The following HDGFL3 variants were observed in gnomAD, a reference collection of about 807,000 sequenced individuals.
HDGFL3 encodes HDGF like 3, also known as hepatoma-derived growth factor-related protein 3.
In HDGFL3, 6 loss-of-function variants were observed where a neutral mutation model predicts 27.6. The observed-to-expected ratio is 0.22, with a 90% confidence interval of 0.12 to 0.43. HDGFL3 has a LOEUF of 0.43. Among genes scored for constraint, HDGFL3 ranks in the 20% least tolerant of loss-of-function variants. The pLI, the probability that HDGFL3 is intolerant of heterozygous loss-of-function variation, is 1.00. For synonymous variants in HDGFL3, 88 were observed against 88.9 expected, an observed-to-expected ratio of 0.99 and a Z score of 0.05; for missense variants, 207 against 250.1, an observed-to-expected ratio of 0.83 and a Z score of 1.16.
intron 3 of HDGFL3, among the ~76,000 whole-genome samples, chr15:83,116,944 C>T (rs1283134171): frequency 6.6e-6 from 1 of 152,140 alleles, no homozygotes; most frequent in East Asian, 1.9e-4. Context: ...TTGAAGGGGA[C>T]TCTGTGGTCA....
At chr15:83,180,131 G>T (rs17158063) in intron 1 of HDGFL3, among the ~76,000 whole-genome samples, 5 of 151,796 alleles carry the variant, frequency 3.3e-5, no homozygotes, top group Non-Finnish European at 5.9e-5. Flanking sequence ...AAAAAATAGG[G>T]AAGACCAAAG....
intron 1 of HDGFL3, among the ~76,000 whole-genome samples, chr15:83,181,739 G>T (rs923836167): frequency 2.0e-5 from 3 of 152,224 alleles, no homozygotes; most frequent in South Asian, 4.1e-4. Context: ...GCCTCCTGAA[G>T]TACTGGGATT....
downstream of HDGFL3, among the ~76,000 whole-genome samples, chr15:83,126,375 T>C (rs1474534932): frequency 6.6e-6 from 1 of 152,204 alleles, no homozygotes; most frequent in African/African-American, 2.4e-5. Context: ...TTGCAATGCA[T>C]AGTAAGATGA....
chr15:83,197,709 A>T (rs1157396872), intron 1 of HDGFL3, among the ~76,000 whole-genome samples: 1 of 152,142 alleles, frequency 6.6e-6, no homozygotes, highest in Non-Finnish European at 1.5e-5. Flanking sequence ...ACGGAACACT[A>T]GTTTGTCAAA....
At position 83,136,560 on chromosome 15, in the gene HDGFL3, T is replaced by G; in HGVS notation, c.*2710A>C. On this transcript the variant is annotated 3_prime_UTR_variant, in exon 6 of 6. Coordinates refer to ENST00000299633, the MANE Select transcript of HDGFL3 (RefSeq NM_016073.4). ...AGAGTCCCTGAAGAAGCAAAAATCCTTTTTTTAGCATTAAACATAGCATAT... is the reference window on the plus strand; with the variant it reads ...AGAGTCCCTGAAGAAGCAAAAATCCGTTTTTTAGCATTAAACATAGCATAT... 1 of 1,612,762 alleles carries G rather than the reference T, an allele frequency of 6.2e-7. No individual in the cohort carries two copies. Among genetic ancestry groups the G allele is most frequent in the Non-Finnish European group, 8.5e-7 (1 of 1,179,302 alleles).
chr15:83,153,810 A>G (rs544301807), intron 4 of HDGFL3, among the ~76,000 whole-genome samples: 15 of 152,296 alleles, frequency 9.8e-5, no homozygotes, highest in African/African-American at 3.6e-4. Flanking sequence ...CCTTACTGCT[A>G]AAGAGAGAAG....
At chr15:83,168,704 A>G (rs1415749674) in intron 1 of HDGFL3, among the ~76,000 whole-genome samples, 2 of 152,194 alleles carry the variant, frequency 1.3e-5, no homozygotes, top group Non-Finnish European at 2.9e-5. Context: ...CAGAGGTACA[A>G]AGAAGAACTG....
chr15:83,205,240 G>A (rs563888797), intron 1 of HDGFL3, among the ~76,000 whole-genome samples: 3 of 152,094 alleles, frequency 2.0e-5, no homozygotes, highest in Non-Finnish European at 4.4e-5. Flanking sequence ...TGAAGTATAC[G>A]CACTGTAAAA....
At chr15:83,175,225 A>T (rs1596558994) in intron 1 of HDGFL3, among the ~76,000 whole-genome samples, 1 of 152,126 alleles carries the variant, frequency 6.6e-6, no homozygotes, top group Non-Finnish European at 1.5e-5. Context: ...TTGAGTTTGT[A>T]CCCCCTGGAA....
At chr15:83,163,337 C>A (rs998890334) in intron 2 of HDGFL3, among the ~76,000 whole-genome samples, 1 of 152,186 alleles carries the variant, frequency 6.6e-6, no homozygotes, top group Non-Finnish European at 1.5e-5. Context: ...CTGCAAGATG[C>A]ACATGTGCTG....
In HDGFL3 at chr15:83,138,212, CA is replaced by C. The variant is rs1402686457; in HGVS notation, c.*1057del. 6.6e-6 allele frequency: 1 copy of C among 152,556 alleles called. No individual in the cohort carries two copies. Among genetic ancestry groups the C allele is most frequent in the African/African-American group, 2.4e-5 (1 of 41,426 alleles). The allele number at this position is 152,556 out of a possible 1,614,324, so 9.5% of individuals were successfully genotyped here. A position where few individuals can be genotyped will look rare whatever the true frequency, so the allele number is the denominator to read the frequency against. The stretch of plus-strand genomic sequence containing the variant: ...ATAAATTTATTCTGTAAAAACAATA[CA>C]TTTTTTTGTTTTTGATTTTTTTACA... On this transcript the variant is annotated 3_prime_UTR_variant, in exon 6 of 6. Coordinates refer to ENST00000299633, the MANE Select transcript of HDGFL3 (RefSeq NM_016073.4).
Position 83,164,034 on chromosome 15 carries a change from G to A in HDGFL3, c.126C>T (p.Asn42=). ...TGCCAAAAAAGAAGATAGGATACTT[G>A]TTTGCTGGAGGCTTCACAGCGCCCT... ...LPEGAVKPPA[N]KYPIFFFGTH... Residue 42 remains asparagine (N), a synonymous_variant, in exon 2 of 6, where the codon AAC becomes AAT. Transcript: ENST00000299633. 2 of 1,611,586 alleles carry A rather than the reference G, an allele frequency of 1.2e-6. No homozygotes were observed. Among genetic ancestry groups the A allele is most frequent in the Non-Finnish European group, 1.7e-6 (2 of 1,179,158 alleles).
At position 83,151,254 on chromosome 15, in the gene HDGFL3, T is replaced by G; in HGVS notation, c.567A>C (p.Thr189=). ...TCTGCAAGTCTGAAGTTGTGTTTCT[T>G]GTGTCGTTGCCCGCATCTCCACCCT... is the stretch of plus-strand genomic sequence containing the variant. ...SSEGGDAGND[T]RNTTSDLQKT... is the part of the protein sequence containing the mutation. Residue 189 remains threonine (T), a synonymous_variant, in exon 5 of 6, where the codon ACA becomes ACC. Coordinates refer to ENST00000299633, the MANE Select transcript of HDGFL3 (RefSeq NM_016073.4). 6.2e-7 allele frequency: 1 copy of G among 1,613,222 alleles called. No individual in the cohort carries two copies. The highest frequency in any genetic ancestry group is 8.5e-7 in the Non-Finnish European group (1 of 1,179,796).
In HDGFL3 at chr15:83,129,341, T is replaced by C. The variant is rs1291910147; in HGVS notation, c.*9929A>G. 6.6e-6 allele frequency: 1 copy of C among 152,228 alleles called. No individual in the cohort carries two copies. Among genetic ancestry groups the C allele is most frequent in the African/African-American group, 2.4e-5 (1 of 41,448 alleles). The allele number at this position is 152,228 out of a possible 1,614,324, so 9.4% of individuals were successfully genotyped here. On this transcript the variant is annotated 3_prime_UTR_variant, in exon 6 of 6. Coordinates refer to ENST00000299633, the MANE Select transcript of HDGFL3 (RefSeq NM_016073.4). The stretch of plus-strand genomic sequence containing the variant: ...CTTAACACAATTAAAATTTTAATTC[T>C]TTTTTATGCAAAGATCATGTGGGAT...
At chr15:83,125,818 G>T (rs903901825), downstream of HDGFL3, among the ~76,000 whole-genome samples, 2 of 152,348 alleles carry the variant, frequency 1.3e-5, no homozygotes, top group Admixed American at 6.5e-5. Context: ...TGGGTTCAGG[G>T]TGAGAAGCTG....
At chr15:83,125,284 A>G (rs2035637922), downstream of HDGFL3, among the ~76,000 whole-genome samples, 1 of 152,156 alleles carries the variant, frequency 6.6e-6, no homozygotes, top group African/African-American at 2.4e-5. Context: ...GAGTCTTTGT[A>G]TTGATGTGAC....
At chr15:83,166,610 G>C (rs1008182569) in intron 1 of HDGFL3, among the ~76,000 whole-genome samples, 1 of 152,106 alleles carries the variant, frequency 6.6e-6, no homozygotes, top group Non-Finnish European at 1.5e-5. Context: ...AGAAGAACCC[G>C]AGACAGGGTA....
At chr15:83,200,195 A>T (rs766994950) in intron 1 of HDGFL3, among the ~76,000 whole-genome samples, 20 of 151,488 alleles carry the variant, frequency 1.3e-4, no homozygotes, top group Non-Finnish European at 2.1e-4. Context: ...AATACAAAAA[A>T]ATCAGCCCAG....
exon 4 of HDGFL3, chr15:83,112,867 A>G (rs2034314061): frequency 1.9e-6 from 3 of 1,613,992 alleles, no homozygotes; most frequent in Non-Finnish European, 2.5e-6. Context: ...TGTCCTCGTC[A>G]AAAGAAAACC....
Sources: gnomAD v4.1 joint callset for allele counts (sites outside exome capture counted in the v4.1 genomes callset) on GRCh38, gnomAD v4.1.1 for gene constraint, MANE v1.5 for transcripts, NCBI Gene and HGNC (gene_info 2026-07-23, HGNC 2026-07-21) for gene names.